The following CSMD1 variants were observed in gnomAD, a reference collection of about 807,000 sequenced individuals.
CSMD1 encodes CUB and Sushi multiple domains 1.
Under a neutral mutation model 417.5 loss-of-function variants are expected in CSMD1, and 213 were observed. The ratio of observed to expected loss-of-function variants is 0.51; its 90% CI spans 0.46 to 0.57. The LOEUF is 0.57. CSMD1 is among the 20% of genes least tolerant of loss of function. CSMD1 has a pLI of 0.00. For synonymous variants in CSMD1, 2,862 were observed against 1,736.8 expected, an observed-to-expected ratio of 1.65 and a Z score of -16.11; for missense variants, 6,923 against 4,529.7, an observed-to-expected ratio of 1.53 and a Z score of -15.17.
At chr8:4,581,647 A>T (rs1799422798) in intron 2 of CSMD1, among the ~76,000 whole-genome samples, 1 of 152,244 alleles carries the variant, frequency 6.6e-6, no homozygotes, top group South Asian at 2.1e-4. Context: ...AAGTTAGTGG[A>T]AAGGGGAGTT....
chr8:3,773,927 T>C (rs533395539), intron 5 of CSMD1, among the ~76,000 whole-genome samples: 1 of 152,172 alleles, frequency 6.6e-6, no homozygotes, highest in Non-Finnish European at 1.5e-5. Flanking sequence ...GGTTGAGTAA[T>C]TTGCATGACA....
At chr8:4,283,374 G>C (rs1032633833) in intron 3 of CSMD1, among the ~76,000 whole-genome samples, 5 of 152,116 alleles carry the variant, frequency 3.3e-5, no homozygotes, top group African/African-American at 7.2e-5. Context: ...CATCTGAAAA[G>C]GGTATGTGTG....
In CSMD1 at chr8:4,283,958, G is replaced by T. The variant is rs779123; in HGVS notation, c.415+135995C>A. On this transcript the variant is annotated intron_variant, in intron 3 of 69. Transcript: ENST00000635120. ...ATTATTAACAATAAGTTTGGCCAGG[G>T]GTGGTGGCTCACACTTGTAATCGTA... Among the ~76,000 whole-genome samples the T allele has an allele frequency of 6.4e-3, 979 of 152,300 alleles. 8 individuals carry two copies. The highest frequency in any genetic ancestry group is 0.022 in the African/African-American group (908 of 41,578).
At chr8:4,176,959 A>T (rs181161521) in intron 3 of CSMD1, among the ~76,000 whole-genome samples, 1,553 of 151,758 alleles carry the variant, frequency 0.01, 25 homozygotes, top group African/African-American at 0.036. Context: ...AAAGAGACTT[A>T]GACTCCCACA....
intron 25 of CSMD1, among the ~76,000 whole-genome samples, chr8:3,290,640 G>T (rs77725635): frequency 4.1e-5 from 6 of 145,732 alleles, no homozygotes; most frequent in African/African-American, 5.4e-5. Context: ...TGTTATTGGC[G>T]TATGAGAATA....
intron 2 of CSMD1, among the ~76,000 whole-genome samples, chr8:4,615,232 G>A (rs12681985): frequency 0.058 from 8,810 of 152,186 alleles, 394 homozygotes; most frequent in East Asian, 0.15. Context: ...GTACCCATGT[G>A]AACACAACAC....
intron 2 of CSMD1, among the ~76,000 whole-genome samples, chr8:4,468,763 C>T (rs1355532466): frequency 1.3e-5 from 2 of 152,186 alleles, no homozygotes; most frequent in East Asian, 1.9e-4. Context: ...ATGTCTGAAT[C>T]AGCTTAGCAT....
At chr8:4,077,531 G>A (rs1184012054) in intron 3 of CSMD1, among the ~76,000 whole-genome samples, 1 of 151,818 alleles carries the variant, frequency 6.6e-6, no homozygotes, top group East Asian at 1.9e-4. Context: ...TCACACTGAA[G>A]TCACTCTGGT....
chr8:4,227,809 C>G (rs1350494662), intron 3 of CSMD1, among the ~76,000 whole-genome samples: 2 of 150,170 alleles, frequency 1.3e-5, no homozygotes, highest in African/African-American at 2.5e-5. Context: ...ACAGTCAACC[C>G]CACACCAGGA....
intron 3 of CSMD1, among the ~76,000 whole-genome samples, chr8:4,322,873 T>G (rs1051998919): frequency 2.6e-5 from 4 of 152,176 alleles, no homozygotes; most frequent in Non-Finnish European, 4.4e-5. Flanking sequence ...TAGTCCCAGC[T>G]ACTCAGGAGG....
At chr8:4,739,259 G>T (rs1253709918) in intron 1 of CSMD1, among the ~76,000 whole-genome samples, 4 of 152,130 alleles carry the variant, frequency 2.6e-5, no homozygotes, top group Non-Finnish European at 5.9e-5. Flanking sequence ...TGTAAATATA[G>T]CAATGCAGCA....
chr8:3,239,041 T>C (rs758718332), intron 26 of CSMD1, among the ~76,000 whole-genome samples: 1 of 152,164 alleles, frequency 6.6e-6, no homozygotes, highest in Admixed American at 6.5e-5. Flanking sequence ...AAAAGGAACA[T>C]CTATACAGGA....
intron 1 of CSMD1, among the ~76,000 whole-genome samples, chr8:4,681,280 C>G (rs1764701792): frequency 6.6e-6 from 1 of 152,074 alleles, no homozygotes; most frequent in Non-Finnish European, 1.5e-5. Context: ...TGGCTTTTAA[C>G]TTCTACTTTG....
At chr8:3,092,621 A>G (rs17079314) in intron 47 of CSMD1, among the ~76,000 whole-genome samples, 2,948 of 152,270 alleles carry the variant, frequency 0.019, 113 homozygotes, top group African/African-American at 0.065. Context: ...TCACCTGTCT[A>G]TGGTATTTGA....
At chr8:3,136,075 G>A (rs1311500774) in intron 41 of CSMD1, among the ~76,000 whole-genome samples, 2 of 151,988 alleles carry the variant, frequency 1.3e-5, no homozygotes, top group Non-Finnish European at 2.9e-5. Context: ...CAGACTCATG[G>A]GGAACATCCT....
chr8:4,510,544 A>G (rs1447282529), intron 2 of CSMD1, among the ~76,000 whole-genome samples: 2 of 151,056 alleles, frequency 1.3e-5, no homozygotes, highest in East Asian at 3.9e-4. Flanking sequence ...TACTCAAAGC[A>G]ATCTTCCCTT....
intron 1 of CSMD1, among the ~76,000 whole-genome samples, chr8:4,862,135 A>G (rs1333297225): frequency 6.6e-6 from 1 of 152,050 alleles, no homozygotes; most frequent in African/African-American, 2.4e-5. Flanking sequence ...GTCTGGGGAC[A>G]AGGAGGCATC....
intron 1 of CSMD1, among the ~76,000 whole-genome samples, chr8:4,955,071 T>G (rs6988561): frequency 0.53 from 80,357 of 151,918 alleles, 21,603 homozygotes; most frequent in Middle Eastern, 0.59. Flanking sequence ...GCTCTCAAAA[T>G]AGGCTCTGGA....
intron 49 of CSMD1, among the ~76,000 whole-genome samples, chr8:3,083,646 A>C (rs71513025): frequency 1.8e-4 from 3 of 16,740 alleles, no homozygotes; most frequent in Non-Finnish European, 2.9e-4. Flanking sequence ...ATATATATAT[A>C]TATTTTTTTT....
Sources: gnomAD v4.1 joint callset for allele counts (sites outside exome capture counted in the v4.1 genomes callset) on GRCh38, gnomAD v4.1.1 for gene constraint, MANE v1.5 for transcripts, NCBI Gene and HGNC (gene_info 2026-07-23, HGNC 2026-07-21) for gene names.